CPNE4: variants seen among roughly 807,000 people sequenced by gnomAD.
The protein encoded by CPNE4 is copine-4.
In CPNE4, 25 loss-of-function variants were observed where a neutral mutation model predicts 67.9. That is an observed-to-expected ratio of 0.37 (90% CI 0.27 to 0.51). The LOEUF is 0.51. CPNE4 is among the 20% of genes least tolerant of loss of function. CPNE4 has a pLI of 0.93. For synonymous variants in CPNE4, 242 were observed against 244.9 expected (o/e 0.99, Z 0.11); for missense variants, 464 against 690.8 (o/e 0.67, Z 3.68).
intron 1 of CPNE4, among the ~76,000 whole-genome samples, chr3:131,965,457 G>C (rs1005860562): frequency 6.6e-6 from 1 of 152,124 alleles, no homozygotes; most frequent in East Asian, 1.9e-4. Context: ...AAGACCCACT[G>C]GTGTGCTGTA....
chr3:131,782,470 A>G (rs2083453318), intron 2 of CPNE4, among the ~76,000 whole-genome samples: 1 of 105,874 alleles, frequency 9.4e-6, no homozygotes, highest in African/African-American at 2.7e-5. Context: ...TTAAAGTAAT[A>G]CACACACACA....
chr3:131,843,946 CT>C, intron 2 of CPNE4, among the ~76,000 whole-genome samples: 1 of 152,222 alleles, frequency 6.6e-6, no homozygotes, highest in Non-Finnish European at 1.5e-5. Context: ...TAAATATGGC[CT>C]TAACACACAC....
At chr3:131,737,567 G>A (rs2082267682) in intron 2 of CPNE4, among the ~76,000 whole-genome samples, 1 of 152,072 alleles carries the variant, frequency 6.6e-6, no homozygotes, top group African/African-American at 2.4e-5. Flanking sequence ...GATGTTTATT[G>A]CATGCCTACA....
At chr3:132,006,474 C>A (rs11715147) in intron 1 of CPNE4, among the ~76,000 whole-genome samples, 19,051 of 152,134 alleles carry the variant, frequency 0.13, 1,572 homozygotes, top group Non-Finnish European at 0.17. Context: ...CTCTAAGTAT[C>A]TACAGACTGT....
intron 15 of CPNE4, among the ~76,000 whole-genome samples, chr3:131,536,664 A>G (rs1051270337): frequency 9.9e-5 from 15 of 152,240 alleles, no homozygotes; most frequent in African/African-American, 3.6e-4. Context: ...TGTATCTTTT[A>G]AGCAATCTGA....
rs528139581 is a variant in CPNE4 at position 131,966,167 on chromosome 3, A to G, written c.-1-60723T>C. Among the ~76,000 whole-genome samples the G allele has an allele frequency of 2.0e-5, 3 of 152,338 alleles. No individual in the cohort carries two copies. The East Asian group carries it at 5.8e-4, about 29-fold the overall frequency. ...AAGGCAGAAATAAATAAGTTATTTG[A>G]AACCAGTGAGAACAAAGATACAATG... On this transcript the variant is annotated intron_variant, in intron 1 of 15. Coordinates refer to ENST00000429747, the MANE Select transcript of CPNE4 (RefSeq NM_130808.3).
rs139695806 is a variant in CPNE4 at position 131,564,317 on chromosome 3, G to C, written c.960C>G (p.Asp320Glu). The C allele has an allele frequency of 6.2e-7, 1 of 1,612,458 alleles. No homozygotes were observed. Among genetic ancestry groups the C allele is most frequent in the Non-Finnish European group, 8.5e-7 (1 of 1,179,154 alleles). Reference protein sequence around the residue: ...VAIDFTASNGDPRNSCSLHYI... With the variant: ...VAIDFTASNGEPRNSCSLHYI... ...AGTGCAAGGAACAGCTGTTCCTGGGGTCCCCGTTTGAGGCAGTGAAATCTA... is the reference window on the plus strand; with the variant it reads ...AGTGCAAGGAACAGCTGTTCCTGGGCTCCCCGTTTGAGGCAGTGAAATCTA... The change falls in exon 11 of 16, where the codon GAC becomes GAG. Residue 320 changes from aspartate to glutamate, a missense_variant. Physicochemically the swap from Asp to Glu is conservative, Grantham distance 45. Around this residue, in one of 6 missense-constraint regions of CPNE4, gnomAD observed 201 missense variants for 357.7 expected, o/e 0.56. Transcript: ENST00000429747.
intron 2 of CPNE4, among the ~76,000 whole-genome samples, chr3:131,771,709 T>A (rs1225071993): frequency 6.6e-6 from 1 of 152,100 alleles, no homozygotes; most frequent in East Asian, 1.9e-4. Context: ...CCTCAGGTAT[T>A]CCTTTATAGC....
chr3:131,881,008 G>A (rs549066560), intron 2 of CPNE4, among the ~76,000 whole-genome samples: 1 of 152,126 alleles, frequency 6.6e-6, no homozygotes, highest in Non-Finnish European at 1.5e-5. Context: ...GCCTTGTACT[G>A]CTTGAAATTG....
intron 2 of CPNE4, among the ~76,000 whole-genome samples, chr3:131,850,293 T>G (rs1326213526): frequency 6.6e-6 from 1 of 152,054 alleles, no homozygotes; most frequent in African/African-American, 2.4e-5. Context: ...CCTTCTCCTA[T>G]GGGGATGATG....
chr3:131,987,266 G>C (rs1404128087), intron 1 of CPNE4, among the ~76,000 whole-genome samples: 4 of 152,272 alleles, frequency 2.6e-5, no homozygotes, highest in Admixed American at 2.6e-4. Flanking sequence ...TGACTGAAAA[G>C]AAGAAGGAAA....
chr3:131,971,135 C>T (rs778132453), intron 1 of CPNE4, among the ~76,000 whole-genome samples: 7 of 152,176 alleles, frequency 4.6e-5, no homozygotes, highest in African/African-American at 9.6e-5. Flanking sequence ...GTGGGGACAA[C>T]ATCTAGAAGG....
chr3:131,744,962 G>T (rs1600290), intron 2 of CPNE4, among the ~76,000 whole-genome samples: 42,542 of 151,842 alleles, frequency 0.28, 6,015 homozygotes, highest in Middle Eastern at 0.36. Context: ...GTGTGCAATT[G>T]CTGAGTCGTA....
intron 2 of CPNE4, among the ~76,000 whole-genome samples, chr3:131,735,279 T>C (rs1431106226): frequency 6.6e-6 from 1 of 152,156 alleles, no homozygotes; most frequent in South Asian, 2.1e-4. Flanking sequence ...CTCACACCTC[T>C]CCAGACTGAG....
At chr3:131,824,342 G>C (rs2085073172) in intron 2 of CPNE4, among the ~76,000 whole-genome samples, 3 of 152,136 alleles carry the variant, frequency 2.0e-5, no homozygotes, top group Admixed American at 2.0e-4. Flanking sequence ...AGAACTCAAA[G>C]ATTAAAAAAG....
intron 2 of CPNE4, among the ~76,000 whole-genome samples, chr3:131,857,788 A>T (rs1188966991): frequency 6.6e-6 from 1 of 152,022 alleles, no homozygotes; most frequent in Non-Finnish European, 1.5e-5. Context: ...TCAACCAGGT[A>T]TACTCCTAGA....
At chr3:131,939,220 G>C (rs1251835921) in intron 1 of CPNE4, among the ~76,000 whole-genome samples, 1 of 152,008 alleles carries the variant, frequency 6.6e-6, no homozygotes, top group Non-Finnish European at 1.5e-5. Flanking sequence ...ATGGAGAGTT[G>C]GTTAAATAAG....
intron 1 of CPNE4, among the ~76,000 whole-genome samples, chr3:132,007,436 C>T (rs1033662768): frequency 6.6e-6 from 1 of 152,160 alleles, no homozygotes; most frequent in Non-Finnish European, 1.5e-5. Flanking sequence ...GAATCCCCAA[C>T]TCCATGCTTG....
At chr3:131,670,891 A>G (rs2080394985) in intron 6 of CPNE4, among the ~76,000 whole-genome samples, 1 of 152,094 alleles carries the variant, frequency 6.6e-6, no homozygotes, top group Non-Finnish European at 1.5e-5. Flanking sequence ...GGCTCACTAC[A>G]ACCTCTCCTG....
Sources: allele counts gnomAD v4.1 joint callset (sites outside exome capture counted in the v4.1 genomes callset), GRCh38; gene constraint gnomAD v4.1.1; regional missense constraint gnomAD v4.1.1; transcripts MANE v1.5; gene names NCBI Gene and HGNC (gene_info 2026-07-23, HGNC 2026-07-21).